ZNF804A: variants seen among roughly 807,000 people sequenced by gnomAD.
ZNF804A encodes zinc finger protein 804A.
ZNF804A carries 2 observed loss-of-function variants against 16.5 expected under a neutral mutation model. The observed-to-expected ratio is 0.12, with a 90% CI of 0.05 to 0.38. The LOEUF (loss-of-function observed/expected upper bound fraction) is 0.38. Among genes scored for constraint, ZNF804A ranks in the 10% least tolerant of loss-of-function variants. The probability of loss-of-function intolerance (pLI) is 0.99; values close to 1 mark genes in which losing one functional copy is unlikely to be tolerated. For synonymous variants in ZNF804A, 534 were observed against 489.6 expected (o/e 1.09, Z -1.20); for missense variants, 1,473 against 1,390.7 (o/e 1.06, Z -0.94).
At chr2:184,735,960 T>C (rs1440179940) in intron 1 of ZNF804A, among the ~76,000 whole-genome samples, 2 of 152,248 alleles carry the variant, frequency 1.3e-5, no homozygotes, top group Non-Finnish European at 2.9e-5. Context: ...GATTTATTTT[T>C]ATATTTCATT....
intron 1 of ZNF804A, among the ~76,000 whole-genome samples, chr2:184,634,228 T>C (rs1330454704): frequency 4.6e-5 from 7 of 152,212 alleles, no homozygotes; most frequent in Non-Finnish European, 1.0e-4. Context: ...TAATTTCTGA[T>C]TAATTTTGTA....
intron 1 of ZNF804A, among the ~76,000 whole-genome samples, chr2:184,602,182 A>T (rs12693381): frequency 0.53 from 80,632 of 151,732 alleles, 22,821 homozygotes; most frequent in East Asian, 0.81. Flanking sequence ...CCTCTTGTTA[A>T]TGTTGACCCT....
chr2:184,908,139 G>C (rs1685306415), intron 2 of ZNF804A, among the ~76,000 whole-genome samples: 1 of 152,130 alleles, frequency 6.6e-6, no homozygotes, highest in Non-Finnish European at 1.5e-5. Flanking sequence ...GATGTCAGCA[G>C]TCCTAAAGGC....
chr2:184,706,187 G>T (rs369517707), intron 1 of ZNF804A, among the ~76,000 whole-genome samples: 3 of 152,134 alleles, frequency 2.0e-5, no homozygotes, highest in African/African-American at 7.2e-5. Context: ...CCATGAGTTG[G>T]TATATTATCA....
chr2:184,790,014 ATATAT>A lies in ZNF804A; in HGVS notation c.112-76349_112-76345del, dbSNP rs983138024. Among the ~76,000 whole-genome samples, 11 of 151,982 alleles carry A rather than the reference ATATAT, an allele frequency of 7.2e-5. 1 individual carries two copies. The South Asian group carries it at 2.3e-3, about 32-fold the overall frequency. The stretch of plus-strand genomic sequence containing the variant: ...CTTTTGCTGGATCCCAAAGGTTTTG[ATATAT>A]TATATCTCTATTTTCATTCTTTTAA... On this transcript the variant is annotated intron_variant, in intron 1 of 3. Transcript: ENST00000302277.
chr2:184,621,788 G>A (rs983694775), intron 1 of ZNF804A, among the ~76,000 whole-genome samples: 2 of 151,708 alleles, frequency 1.3e-5, no homozygotes, highest in Non-Finnish European at 3.0e-5. Context: ...ATTTTATAAT[G>A]TATAGAAATG....
rs1196733476 is a variant in ZNF804A at position 184,938,292 on chromosome 2, C to T, written c.2896C>T (p.Pro966Ser). The T allele has an allele frequency of 6.2e-7, 1 of 1,614,088 alleles. No individual in the cohort carries two copies. The highest frequency in any genetic ancestry group is 8.5e-7 in the Non-Finnish European group (1 of 1,180,002). ...NIERNFRQSQPKSYLCHYELA... is the reference protein window; with the variant it reads ...NIERNFRQSQSKSYLCHYELA... ...TGAAAGGAACTTTAGACAGTCACAG[C>T]CTAAATCCTATCTTTGCCATTATGA... Residue 966 changes from proline to serine, a missense_variant, in exon 4 of 4, where the codon CCT becomes TCT. Pro to Ser is a moderately conservative substitution (Grantham distance 74). Coordinates refer to ENST00000302277, the MANE Select transcript of ZNF804A (RefSeq NM_194250.2).
At chr2:184,669,651 A>C (rs1230672440) in intron 1 of ZNF804A, among the ~76,000 whole-genome samples, 1 of 152,060 alleles carries the variant, frequency 6.6e-6, no homozygotes, top group Admixed American at 6.6e-5. Context: ...TAAGAAAACT[A>C]TTTTCAAATT....
At chr2:184,732,692 T>C (rs1192469917) in intron 1 of ZNF804A, among the ~76,000 whole-genome samples, 5 of 152,164 alleles carry the variant, frequency 3.3e-5, no homozygotes, top group Non-Finnish European at 7.4e-5. Context: ...TTTAGTTATG[T>C]AATTTCTTTC....
At chr2:184,803,713 C>A (rs1256761680) in intron 1 of ZNF804A, among the ~76,000 whole-genome samples, 1 of 152,152 alleles carries the variant, frequency 6.6e-6, no homozygotes, top group African/African-American at 2.4e-5. Context: ...CATACTTCAA[C>A]AAAGGTCTAG....
chr2:184,610,549 TA>T (rs1691219782), intron 1 of ZNF804A, among the ~76,000 whole-genome samples: 1 of 152,040 alleles, frequency 6.6e-6, no homozygotes. Context: ...AAGATGGAAT[TA>T]TATGTAGATT....
intron 1 of ZNF804A, among the ~76,000 whole-genome samples, chr2:184,717,060 C>A (rs372375170): frequency 6.6e-6 from 1 of 152,014 alleles, no homozygotes; most frequent in African/African-American, 2.4e-5. Context: ...GGCATCCCAT[C>A]CTGGCAGGGT....
intron 1 of ZNF804A, among the ~76,000 whole-genome samples, chr2:184,694,135 G>A (rs962230883): frequency 2.7e-5 from 4 of 150,222 alleles, no homozygotes; most frequent in Non-Finnish European, 4.4e-5. Flanking sequence ...TTTTAGTAGC[G>A]ATGGGGTTTT....
chr2:184,744,708 C>G lies in ZNF804A; in HGVS notation c.112-121661C>G, dbSNP rs1693761424. On this transcript the variant is annotated intron_variant, in intron 1 of 3. Transcript: ENST00000302277. Reference sequence around the variant, plus strand: ...TTTCCAAAAACAATAATATGGTTTCCTCTGAAAAGTATTAACAACTCAAGT... The same window carrying G: ...TTTCCAAAAACAATAATATGGTTTCGTCTGAAAAGTATTAACAACTCAAGT... 2.6e-5 allele frequency among the ~76,000 whole-genome samples: 4 copies of G among 151,782 alleles called. No individual in the cohort carries two copies. In the South Asian group the frequency reaches 8.3e-4, roughly 31 times the overall value.
Position 184,868,595 on chromosome 2 carries a change from G to A in ZNF804A, c.255+2083G>A, listed in dbSNP as rs557299720. Among the ~76,000 whole-genome samples the A allele has an allele frequency of 5.3e-5, 8 of 152,146 alleles. No homozygotes were observed. The South Asian group carries it at 1.7e-3, about 32-fold the overall frequency. On this transcript the variant is annotated intron_variant, in intron 2 of 3. Transcript: ENST00000302277. ...CAGTGGTGAAGTTGATTAAAAAGCT[G>A]AGAAAGCTGGTTTGCATAAAGAGAG...
At chr2:184,614,962 G>T (rs773003383) in intron 1 of ZNF804A, among the ~76,000 whole-genome samples, 26 of 152,186 alleles carry the variant, frequency 1.7e-4, no homozygotes, top group Admixed American at 3.3e-4. Context: ...TTCAACTATT[G>T]TGAAAGACAG....
intron 2 of ZNF804A, among the ~76,000 whole-genome samples, chr2:184,885,763 T>C (rs1005357351): frequency 1.3e-5 from 2 of 152,104 alleles, no homozygotes; most frequent in Non-Finnish European, 2.9e-5. Flanking sequence ...CATCAGATCT[T>C]GTGAGACTTA....
At chr2:184,840,328 G>A (rs753608310) in intron 1 of ZNF804A, among the ~76,000 whole-genome samples, 7 of 152,044 alleles carry the variant, frequency 4.6e-5, no homozygotes, top group Non-Finnish European at 8.8e-5. Flanking sequence ...ATGATGCAGC[G>A]AGCTGAGATC....
At chr2:184,895,876 A>T (rs1685057128) in intron 2 of ZNF804A, among the ~76,000 whole-genome samples, 1 of 152,198 alleles carries the variant, frequency 6.6e-6, no homozygotes, top group African/African-American at 2.4e-5. Context: ...TATGCATTTT[A>T]GTCTATGTGG....
Sources: gnomAD v4.1 joint callset for allele counts (sites outside exome capture counted in the v4.1 genomes callset) on GRCh38, gnomAD v4.1.1 for gene constraint, MANE v1.5 for transcripts, NCBI Gene and HGNC (gene_info 2026-07-23, HGNC 2026-07-21) for gene names.